Variants in NCOR2 observed in about 807,000 individuals in gnomAD.
NCOR2 encodes the protein CTG repeat protein 26.
NCOR2 carries 81 observed loss-of-function variants against 262.9 expected under a neutral mutation model. The ratio of observed to expected loss-of-function variants is 0.31; its 90% confidence interval spans 0.26 to 0.37. The LOEUF (loss-of-function observed/expected upper bound fraction) is 0.37. Ranked by LOEUF, NCOR2 falls within the 10% of genes least tolerant of loss-of-function variation. The probability of loss-of-function intolerance (pLI) is 1.00; values close to 1 mark genes in which losing one functional copy is unlikely to be tolerated. For missense variants in NCOR2, 3,385 were observed against 3,621.4 expected (o/e 0.93, Z 1.68); for synonymous variants, 1,659 against 1,559.3 (o/e 1.06, Z -1.51).
At chr12:124,445,513 T>C (rs1328571013) in intron 7 of NCOR2, among the ~76,000 whole-genome samples, 1 of 152,148 alleles carries the variant, frequency 6.6e-6, no homozygotes, top group Non-Finnish European at 1.5e-5. Flanking sequence ...GGCCCCAGCA[T>C]GCAGACGCAG....
In NCOR2 at chr12:124,340,275, G is replaced by T. The variant is rs920671966; in HGVS notation, c.5488+19C>A. ...CACAAGGAGTCCCGGAGCGGGGGGT[G>T]GGGGCTCTGATGCCCTACCAGGTCT... On this transcript the variant is annotated intron_variant, in intron 36 of 46. Transcript: ENST00000405201. 6.2e-7 allele frequency: 1 copy of T among 1,608,202 alleles called. No homozygotes were observed. Among genetic ancestry groups the T allele is most frequent in the Non-Finnish European group, 8.5e-7 (1 of 1,178,966 alleles).
chr12:124,466,166 C>T lies in NCOR2; in HGVS notation c.705+7G>A. The T allele has an allele frequency of 6.2e-7, 1 of 1,605,986 alleles. No individual in the cohort carries two copies. The highest frequency in any genetic ancestry group is 8.5e-7 in the Non-Finnish European group (1 of 1,176,400). ...GGGGGGCAGCAGGCCAGGGCGGGGA[C>T]ACATACCCGGTTCTCGTCGTAGATG... On this transcript the variant is annotated splice_region_variant and intron_variant, in intron 5 of 46. Coordinates refer to ENST00000405201, the Ensembl canonical transcript of NCOR2.
exon 14 of NCOR2, chr12:124,402,535 C>CTGCTGCTGCTGCTGTTGT: frequency 6.4e-7 from 1 of 1,570,054 alleles, no homozygotes; most frequent in Non-Finnish European, 8.6e-7. Context: ...GCTGCTGCTG[C>CTGCTGCTGCTGCTGTTGT]TGCTGCTGCT....
At chr12:124,434,671 G>A (rs2044226919) in intron 8 of NCOR2, among the ~76,000 whole-genome samples, 1 of 152,188 alleles carries the variant, frequency 6.6e-6, no homozygotes, top group Non-Finnish European at 1.5e-5. Flanking sequence ...AACCATGGGG[G>A]GCTGTCAAGG....
chr12:124,374,299 G>A (rs1035247447), intron 19 of NCOR2, 114 bp downstream of exon 21: 17 of 1,065,192 alleles, frequency 1.6e-5, no homozygotes, highest in African/African-American at 9.5e-5. Flanking sequence ...AAACGGTGGC[G>A]CTCACAGAAA....
intron 20 of NCOR2, among the ~76,000 whole-genome samples, chr12:124,364,153 C>CATCT (rs1244188153): frequency 6.6e-6 from 1 of 152,222 alleles, no homozygotes; most frequent in Non-Finnish European, 1.5e-5. Context: ...TCCCCAAAGA[C>CATCT]ATCTCCAGGC....
intron 1 of NCOR2, among the ~76,000 whole-genome samples, chr12:124,500,884 C>T (rs2048666623): frequency 6.6e-6 from 1 of 152,140 alleles, no homozygotes; most frequent in South Asian, 2.1e-4. Flanking sequence ...GAGCGCTCAG[C>T]CGCGGGCTGT....
intron 20 of NCOR2, among the ~76,000 whole-genome samples, chr12:124,364,095 C>T (rs2038826258): frequency 6.6e-6 from 1 of 152,218 alleles, no homozygotes; most frequent in Non-Finnish European, 1.5e-5. Context: ...CCCACCCCAG[C>T]CTAGAGGCCA....
chr12:124,396,057 C>T (rs2136174008), intron 16 of NCOR2, among the ~76,000 whole-genome samples: 1 of 152,250 alleles, frequency 6.6e-6, no homozygotes, highest in Middle Eastern at 3.4e-3. Flanking sequence ...CATCATGCTC[C>T]CAGAAAGGAG....
intron 2 of NCOR2, among the ~76,000 whole-genome samples, chr12:124,485,369 ACAGAGG>A (rs901402068): frequency 1.8e-4 from 28 of 152,348 alleles, no homozygotes; most frequent in African/African-American, 4.8e-4. Context: ...GCCACGTGAG[ACAGAGG>A]CAGAGGCAGA....
At chr12:124,508,294 G>C (rs1436674181) in intron 1 of NCOR2, among the ~76,000 whole-genome samples, 1 of 152,262 alleles carries the variant, frequency 6.6e-6, no homozygotes, top group South Asian at 2.1e-4. Flanking sequence ...CAGGGGCATT[G>C]ATCAATAAAT....
intron 1 of NCOR2, among the ~76,000 whole-genome samples, chr12:124,506,399 T>A (rs1439352093): frequency 3.3e-5 from 5 of 152,078 alleles, no homozygotes. Flanking sequence ...ATTGGAGCGT[T>A]CCTGTCCGCT....
intron 1 of NCOR2, among the ~76,000 whole-genome samples, chr12:124,490,826 A>G (rs2136868220): frequency 6.6e-6 from 1 of 152,080 alleles, no homozygotes; most frequent in Admixed American, 6.5e-5. Context: ...CAGCATGCAG[A>G]CCTCTGGGGT....
intron 1 of NCOR2, among the ~76,000 whole-genome samples, chr12:124,565,687 G>A (rs958621854): frequency 6.6e-6 from 1 of 152,190 alleles, no homozygotes; most frequent in Non-Finnish European, 1.5e-5. Flanking sequence ...CAAGTACCAA[G>A]GGATTCTTAT....
chr12:124,372,995 C>T (rs1340231906), intron 19 of NCOR2, among the ~76,000 whole-genome samples: 2 of 152,246 alleles, frequency 1.3e-5, no homozygotes. Flanking sequence ...CGGCTCTGCC[C>T]CGCACTGGCT....
exon 31 of NCOR2, chr12:124,346,783 C>T (rs2036967708): frequency 3.2e-6 from 5 of 1,563,390 alleles, no homozygotes; most frequent in South Asian, 1.2e-5. Flanking sequence ...GCGTGCCCTC[C>T]CGCTTTAGGA....
chr12:124,520,811 C>A (rs894639345), intron 1 of NCOR2, among the ~76,000 whole-genome samples: 3 of 152,188 alleles, frequency 2.0e-5, no homozygotes, highest in African/African-American at 7.2e-5. Context: ...GAAAAAGCAT[C>A]CCCTGGCCAA....
At chr12:124,522,324 G>C (rs1425160041) in intron 1 of NCOR2, among the ~76,000 whole-genome samples, 2 of 152,134 alleles carry the variant, frequency 1.3e-5, no homozygotes, top group Non-Finnish European at 2.9e-5. Flanking sequence ...TTACAAATTG[G>C]GTGGCTGAAA....
At chr12:124,556,077 G>C (rs1176797878) in intron 1 of NCOR2, 1 of 152,276 alleles carries the variant, frequency 6.6e-6, no homozygotes, top group Non-Finnish European at 1.5e-5. Context: ...GCAAAACGTG[G>C]TTCTCCCACA....
Sources: allele counts gnomAD v4.1 joint callset (sites outside exome capture counted in the v4.1 genomes callset), GRCh38; gene constraint gnomAD v4.1.1; transcripts MANE v1.5; gene names NCBI Gene and HGNC (gene_info 2026-07-23, HGNC 2026-07-21).